DAB1: variants seen among roughly 807,000 people sequenced by gnomAD.
DAB1 encodes the protein disabled homolog 1.
DAB1 carries 15 observed loss-of-function variants against 64.6 expected under a neutral mutation model. The observed-to-expected ratio is 0.23, with a 90% confidence interval of 0.16 to 0.36. The LOEUF is 0.36. DAB1 is among the 10% of genes least tolerant of loss of function. DAB1 has a pLI of 1.00. For synonymous variants in DAB1, 235 were observed against 251.9 expected, an observed-to-expected ratio of 0.93 and a Z score of 0.64; for missense variants, 596 against 706.7, an observed-to-expected ratio of 0.84 and a Z score of 1.78.
chr1:57,046,784 G>T (rs1648553003), intron 9 of DAB1, among the ~76,000 whole-genome samples: 1 of 152,208 alleles, frequency 6.6e-6, no homozygotes, highest in African/African-American at 2.4e-5. Context: ...ATGCATCAGG[G>T]AACCTGCATC....
chr1:57,595,230 AT>A (rs578127408), intron 7 of DAB1, among the ~76,000 whole-genome samples: 2 of 151,758 alleles, frequency 1.3e-5, no homozygotes, highest in Non-Finnish European at 2.9e-5. Context: ...AGATTCTAAA[AT>A]TTTTTTTAGA....
At chr1:57,323,097 T>C (rs995606470) in intron 1 of DAB1, among the ~76,000 whole-genome samples, 3 of 152,074 alleles carry the variant, frequency 2.0e-5, no homozygotes, top group Non-Finnish European at 2.9e-5. Context: ...AGCCTGCTGG[T>C]CCATGGACCA....
At chr1:58,284,210 A>C (rs1661631386) in intron 4 of DAB1, among the ~76,000 whole-genome samples, 1 of 152,170 alleles carries the variant, frequency 6.6e-6, no homozygotes, top group Admixed American at 6.5e-5. Context: ...TTTGGCTAAA[A>C]TTCTGGTATT....
chr1:58,496,428 CTTCTATGT>C (rs1229882052), intron 3 of DAB1, among the ~76,000 whole-genome samples: 1 of 152,182 alleles, frequency 6.6e-6, no homozygotes, highest in Non-Finnish European at 1.5e-5. Context: ...GGTGGCACTG[CTTCTATGT>C]TCTTGCCGCC....
At chr1:58,244,750 G>T (rs1402263840) in intron 4 of DAB1, among the ~76,000 whole-genome samples, 1 of 152,126 alleles carries the variant, frequency 6.6e-6, no homozygotes, top group Admixed American at 6.5e-5. Context: ...TTTTTATTGT[G>T]CCAGGCATGT....
At position 57,020,731 on chromosome 1, in the gene DAB1, A is replaced by C. The variant is rs537630278; in HGVS notation, c.895+2800T>G. ...TGCCAGCATTTTTCAGTGTGTAGTG[A>C]TACCACTTCTACAGCTGCAGTTAAT... is the stretch of plus-strand genomic sequence containing the variant. On this transcript the variant is annotated intron_variant, in intron 11 of 14. Coordinates refer to ENST00000371236, the MANE Select transcript of DAB1 (RefSeq NM_001365792.1). 5.3e-5 allele frequency among the ~76,000 whole-genome samples: 8 copies of C among 152,342 alleles called. No homozygotes were observed. In the South Asian group the frequency reaches 1.5e-3, roughly 28 times the overall value.
chr1:58,116,252 T>C (rs1180860135), intron 5 of DAB1, among the ~76,000 whole-genome samples: 3 of 152,198 alleles, frequency 2.0e-5, no homozygotes, highest in South Asian at 4.1e-4. Context: ...AGTAGAATGA[T>C]AGAAAGAGGC....
At chr1:57,297,082 A>G (rs1040945765) in intron 1 of DAB1, among the ~76,000 whole-genome samples, 2 of 152,174 alleles carry the variant, frequency 1.3e-5, no homozygotes, top group African/African-American at 4.8e-5. Context: ...AGTACTGTGT[A>G]GTGTTCTGGC....
At chr1:58,371,540 C>T (rs921433080) in intron 3 of DAB1, among the ~76,000 whole-genome samples, 3 of 152,278 alleles carry the variant, frequency 2.0e-5, no homozygotes, top group Admixed American at 6.5e-5. Flanking sequence ...TTCAAGCCTG[C>T]TACAGAAATT....
chr1:57,468,309 C>T (rs570686066), intron 7 of DAB1, among the ~76,000 whole-genome samples: 68 of 152,176 alleles, frequency 4.5e-4, no homozygotes, highest in Non-Finnish European at 7.8e-4. Flanking sequence ...ATAGCAACTT[C>T]GAGAGAGAAT....
chr1:58,300,595 A>AG (rs1454706006), intron 4 of DAB1, among the ~76,000 whole-genome samples: 42 of 29,884 alleles, frequency 1.4e-3, no homozygotes, highest in African/African-American at 3.3e-3. Context: ...AAAGAAAGAA[A>AG]GAAAGAAAGA....
Position 57,227,837 on chromosome 1 carries a change from G to A in DAB1, c.67+63127C>T, listed in dbSNP as rs182662487. Among the ~76,000 whole-genome samples the A allele has an allele frequency of 6.6e-5, 10 of 152,252 alleles. No individual in the cohort carries two copies. In the East Asian group the frequency reaches 1.5e-3, roughly 24 times the overall value. On this transcript the variant is annotated intron_variant, in intron 2 of 14. Transcript: ENST00000371236. ...CTCCCAAAGTGCTAGGGTTACAGGC[G>A]TGAGCCACTGTGCCCAGCCAATAGG...
At chr1:58,355,120 T>C (rs1363359418) in intron 3 of DAB1, among the ~76,000 whole-genome samples, 2 of 152,212 alleles carry the variant, frequency 1.3e-5, no homozygotes, top group African/African-American at 4.8e-5. Context: ...GTTTCTGATC[T>C]AAAGAGTTCA....
chr1:57,353,483 G>C (rs929229993), intron 1 of DAB1, among the ~76,000 whole-genome samples: 1 of 152,126 alleles, frequency 6.6e-6, no homozygotes. Flanking sequence ...AGACAACAGA[G>C]TAAATGCCCA....
At chr1:58,489,597 G>A (rs1220472378) in intron 3 of DAB1, among the ~76,000 whole-genome samples, 2 of 152,172 alleles carry the variant, frequency 1.3e-5, no homozygotes, top group Admixed American at 6.5e-5. Flanking sequence ...GAGAGTAGTG[G>A]TTCTCCCAGC....
At chr1:57,784,654 T>C (rs1474915607) in intron 6 of DAB1, among the ~76,000 whole-genome samples, 3 of 152,104 alleles carry the variant, frequency 2.0e-5, no homozygotes, top group African/African-American at 4.8e-5. Context: ...TCATGAAGGC[T>C]GAAAGAGGTG....
chr1:57,784,394 A>G (rs902100543), intron 6 of DAB1, among the ~76,000 whole-genome samples: 7 of 152,156 alleles, frequency 4.6e-5, no homozygotes, highest in African/African-American at 1.7e-4. Context: ...TCCAGTCTCA[A>G]AAAACAAACA....
chr1:58,246,756 G>A (rs555457124), intron 4 of DAB1, among the ~76,000 whole-genome samples: 497 of 152,204 alleles, frequency 3.3e-3, no homozygotes, highest in African/African-American at 0.011. Context: ...GGGGGTGTTT[G>A]TATTTATGAA....
chr1:57,355,707 C>T (rs891070879), intron 1 of DAB1, among the ~76,000 whole-genome samples: 1 of 151,894 alleles, frequency 6.6e-6, no homozygotes, highest in Admixed American at 6.6e-5. Flanking sequence ...TAGGCAGGCC[C>T]GTGGACCTGA....
Sources: allele counts gnomAD v4.1 joint callset (sites outside exome capture counted in the v4.1 genomes callset), GRCh38; gene constraint gnomAD v4.1.1; transcripts MANE v1.5; gene names NCBI Gene and HGNC (gene_info 2026-07-23, HGNC 2026-07-21).